CLBA1: variants seen among roughly 807,000 people sequenced by gnomAD.
CLBA1 encodes the protein uncharacterized protein CLBA1.
Under a neutral mutation model 28.8 loss-of-function variants are expected in CLBA1, and 30 were observed. The ratio of observed to expected loss-of-function variants is 1.04; its 90% CI spans 0.78 to 1.41. CLBA1 has a LOEUF of 1.41. Among genes scored for constraint, CLBA1 ranks in the 40% most tolerant of loss-of-function variants. The pLI is 0.00. For missense variants in CLBA1, 451 were observed against 412.3 expected (o/e 1.09, Z -0.81); for synonymous variants, 160 against 152.8 (o/e 1.05, Z -0.35).
intron 4 of CLBA1, 150 bp from the exon 5 acceptor site, chr14:104,994,448 G>A: frequency 1.4e-6 from 2 of 1,409,566 alleles, no homozygotes; most frequent in Non-Finnish European, 1.8e-6. Context: ...CCTCTCTGGT[G>A]ACATCCCATG....
At chr14:104,989,484 C>T in intron 2 of CLBA1, 1 of 424,268 alleles carries the variant, frequency 2.4e-6, no homozygotes, top group South Asian at 1.6e-5. Context: ...TGGTTCTCAG[C>T]CACAGAGTTC....
chr14:104,996,035 C>T (rs1342048211), downstream of CLBA1, among the ~76,000 whole-genome samples: 2 of 152,204 alleles, frequency 1.3e-5, no homozygotes, highest in Non-Finnish European at 2.9e-5. Context: ...ATACTCCATC[C>T]TGCTCCTCCC....
chr14:104,998,680 C>T (rs533744967), downstream of CLBA1, among the ~76,000 whole-genome samples: 1 of 152,358 alleles, frequency 6.6e-6, no homozygotes, highest in African/African-American at 2.4e-5. Flanking sequence ...AAGGCCTGGC[C>T]AAGGCCCCCT....
At chr14:104,993,361 C>T (rs1015258041) in intron 4 of CLBA1, 37 of 985,280 alleles carry the variant, frequency 3.8e-5, no homozygotes, top group South Asian at 4.7e-5. Flanking sequence ...GAAGCTGAGA[C>T]GCCAGGTGTG....
At chr14:104,997,037 A>T (rs1028008103), downstream of CLBA1, among the ~76,000 whole-genome samples, 1 of 152,234 alleles carries the variant, frequency 6.6e-6, no homozygotes, top group African/African-American at 2.4e-5. Context: ...AACGTGAGCC[A>T]CAGTGAGCAG....
intron 2 of CLBA1, chr14:104,989,893 T>A (rs1048597573): frequency 8.3e-6 from 3 of 361,386 alleles, no homozygotes; most frequent in Non-Finnish European, 1.7e-5. Context: ...CAGGCCATTC[T>A]GGGCTCCAGC....
intron 2 of CLBA1, chr14:104,989,908 G>C (rs1899973055): frequency 5.7e-6 from 2 of 353,610 alleles, no homozygotes; most frequent in Non-Finnish European, 5.7e-6. Flanking sequence ...TCCAGCCCTG[G>C]CCCACCGTGT....
chr14:104,995,205 CCT>C lies in CLBA1; in HGVS notation c.*449_*450del, dbSNP rs1467422442. 7.1e-6 allele frequency: 7 copies of C among 986,820 alleles called. No individual in the cohort carries two copies. Among genetic ancestry groups the C allele is most frequent in the Admixed American group, 1.2e-4 (2 of 16,458 alleles). The allele number at this position is 986,820 out of a possible 1,614,324, so 61.1% of individuals were successfully genotyped here. A position where few individuals can be genotyped will look rare whatever the true frequency, so the allele number is the denominator to read the frequency against. ...ACAGCTGTTGAGACCGCTCAGAAAC[CCT>C]CTGTCTGTCACACTCTGCCCTGGCT... is the stretch of plus-strand genomic sequence containing the variant. On this transcript the variant is annotated 3_prime_UTR_variant, in exon 5 of 5. Transcript: ENST00000547315.
downstream of CLBA1, among the ~76,000 whole-genome samples, chr14:104,997,780 A>G (rs1248886888): frequency 6.6e-6 from 1 of 152,008 alleles, no homozygotes; most frequent in African/African-American, 2.4e-5. Context: ...AGGCTGATGC[A>G]GGTGGATCAC....
downstream of CLBA1, among the ~76,000 whole-genome samples, chr14:104,998,548 TTCC>T (rs1260518958): frequency 4.6e-5 from 7 of 152,274 alleles, no homozygotes; most frequent in Non-Finnish European, 8.8e-5. Flanking sequence ...TCAAGCAGTC[TTCC>T]TGCCTTGGCC....
In CLBA1 at chr14:104,995,467, A is replaced by T; in HGVS notation, c.*708A>T. The T allele has an allele frequency of 1.0e-6, 1 of 985,460 alleles. No individual in the cohort carries two copies. The highest frequency in any genetic ancestry group is 1.2e-6 in the Non-Finnish European group (1 of 829,934). 61.0% of individuals were successfully genotyped at this position (985,460 alleles called of 1,614,324 possible). A position where few individuals can be genotyped will look rare whatever the true frequency, so the allele number is the denominator to read the frequency against. ...TGCTCTTCGAAGGGCAGAGCCAAGA[A>T]GTCAGCCCTGACTTTTGTAAAATTT... is the stretch of plus-strand genomic sequence containing the variant. On this transcript the variant is annotated 3_prime_UTR_variant, in exon 5 of 5. Coordinates refer to ENST00000547315, the MANE Select transcript of CLBA1 (RefSeq NM_174891.4).
At chr14:104,991,329 A>C in intron 2 of CLBA1, 162 bp from the exon 3 acceptor site, 1 of 731,316 alleles carries the variant, frequency 1.4e-6, no homozygotes, top group Non-Finnish European at 2.1e-6. Context: ...CAGCCCGGGA[A>C]CACTGTTTTT....
rs1004978067 is a variant in CLBA1, at chr14:104,986,554, C to T, written c.123C>T (p.Thr41=). 15 of 1,614,052 alleles carry T rather than the reference C, an allele frequency of 9.3e-6. No homozygotes were observed. Among genetic ancestry groups the T allele is most frequent in the Non-Finnish European group, 1.2e-5 (14 of 1,180,026 alleles). The part of the protein sequence containing the change: ...LSDDSLEWRR[T]CPDLLLSDGK... ...ATGACAGTTTGGAATGGAGACGGAC[C>T]TGCCCCGACCTTCTCCTGTCCGATG... is the stretch of plus-strand genomic sequence containing the variant. Residue 41 remains threonine (T), a synonymous_variant, in exon 1 of 5, where the codon ACC becomes ACT. Coordinates refer to ENST00000547315, the MANE Select transcript of CLBA1 (RefSeq NM_174891.4).
intron 4 of CLBA1, 177 bp downstream of exon 4, chr14:104,993,241 C>G (rs1237026833): frequency 1.0e-6 from 1 of 985,348 alleles, no homozygotes; most frequent in Non-Finnish European, 1.2e-6. Flanking sequence ...GTGAACACCA[C>G]TGCAGGGTGC....
At chr14:104,999,219 A>G (rs1373810922), downstream of CLBA1, 1 of 985,272 alleles carries the variant, frequency 1.0e-6, no homozygotes, top group Non-Finnish European at 1.2e-6. Flanking sequence ...TTTGATTCCT[A>G]GAGGCCCTGA....
chr14:104,986,392 C>A lies in CLBA1; in HGVS notation c.-40C>A, dbSNP rs1387437474. ...CACCCCGGCGTGCATGTCTCCTGAG[C>A]AGCTGCCCATCGGGCCTCTGCTGGC... On this transcript the variant is annotated 5_prime_UTR_variant, in exon 1 of 5. Coordinates refer to ENST00000547315, the MANE Select transcript of CLBA1 (RefSeq NM_174891.4). 1.3e-6 allele frequency: 2 copies of A among 1,594,442 alleles called. No individual in the cohort carries two copies. Among genetic ancestry groups the A allele is most frequent in the Admixed American group, 1.7e-5 (1 of 58,818 alleles).
chr14:105,000,618 T>C (rs1287363397), intron 2 of CLBA1, among the ~76,000 whole-genome samples: 1 of 151,976 alleles, frequency 6.6e-6, no homozygotes, highest in Non-Finnish European at 1.5e-5. Flanking sequence ...TTTATATATA[T>C]ACACACACAC....
In CLBA1 at chr14:104,994,667, T is replaced by C. The variant is rs201335270; in HGVS notation, c.886T>C (p.Cys296Arg). Residue 296 changes from cysteine (C) to arginine (R), a missense_variant, in exon 5 of 5, where the codon TGC (cysteine) becomes CGC (arginine). Physicochemically the swap from Cys to Arg is radical, Grantham distance 180. Transcript: ENST00000547315. The stretch of plus-strand genomic sequence containing the variant: ...CAGCCGCTTCCTGAAGACCCCCTCA[T>C]GCGGAGGTGGCCAGCACATCACTAT... ...TCSRFLKTPSCGGGQHITIPR... is the reference protein window; with the variant it reads ...TCSRFLKTPSRGGGQHITIPR... 770 of 1,613,954 alleles carry C rather than the reference T, an allele frequency of 4.8e-4. 8 individuals carry two copies. The Middle Eastern group carries it at 7.9e-3, about 17-fold the overall frequency.
At chr14:104,990,015 C>T (rs1344974530) in intron 2 of CLBA1, 2 of 242,440 alleles carry the variant, frequency 8.2e-6, no homozygotes, top group African/African-American at 4.4e-5. Context: ...CCAGCATTGC[C>T]CAGATGGCCC....
Sources: allele counts gnomAD v4.1 joint callset (sites outside exome capture counted in the v4.1 genomes callset), GRCh38; gene constraint gnomAD v4.1.1; transcripts MANE v1.5; gene names NCBI Gene and HGNC (gene_info 2026-07-23, HGNC 2026-07-21).